Variants in EBI3 observed in about 807,000 individuals in gnomAD.
EBI3 encodes the protein Epstein-Barr virus induced 3, also known as interleukin-27 subunit beta.
In EBI3, 19 loss-of-function variants were observed where a neutral mutation model predicts 21.3. The observed-to-expected ratio is 0.89, with a 90% CI of 0.62 to 1.31. The LOEUF (loss-of-function observed/expected upper bound fraction) is 1.31. Ranked by LOEUF, EBI3 falls within the 50% of genes most tolerant of loss-of-function variation. The probability of loss-of-function intolerance (pLI) is 0.00; values close to 1 mark genes in which losing one functional copy is unlikely to be tolerated. For synonymous variants in EBI3, 154 were observed against 131.2 expected, an observed-to-expected ratio of 1.17 and a Z score of -1.19; for missense variants, 331 against 314.0, an observed-to-expected ratio of 1.05 and a Z score of -0.41.
At chr19:4,232,376 G>A (rs1242389025) in intron 2 of EBI3, among the ~76,000 whole-genome samples, 2 of 151,872 alleles carry the variant, frequency 1.3e-5, no homozygotes. Flanking sequence ...GAGCCCAGGA[G>A]TTTGAGACCA....
intron 4 of EBI3, 135 bp from the exon 5 acceptor site, chr19:4,236,801 C>G: frequency 9.2e-7 from 1 of 1,091,736 alleles, no homozygotes; most frequent in Non-Finnish European, 1.2e-6. Context: ...GGTGGGGCCG[C>G]ACAGCTGGGG....
At chr19:4,235,780 T>G (rs1446130767) in intron 4 of EBI3, among the ~76,000 whole-genome samples, 2 of 151,970 alleles carry the variant, frequency 1.3e-5, no homozygotes, top group Non-Finnish European at 2.9e-5. Context: ...AATTTAAACA[T>G]TAGTTGGGTG....
Position 4,236,924 on chromosome 19 carries a change from C to T in EBI3, c.538-12C>T, listed in dbSNP as rs1970843683. ...TCTGGTTCTAGTGACCTGACGCTCT[C>T]TCTTCTCTCAGGTGGGGCCCATTGA... On this transcript the variant is annotated splice_polypyrimidine_tract_variant and intron_variant, in intron 4 of 4. Transcript: ENST00000221847. 1 of 1,485,208 alleles carries T rather than the reference C, an allele frequency of 6.7e-7. No homozygotes were observed. The highest frequency in any genetic ancestry group is 2.3e-5 in the Admixed American group (1 of 44,204). The allele number at this position is 1,485,208 out of a possible 1,614,324, so 92.0% of individuals were successfully genotyped here. A position where few individuals can be genotyped will look rare whatever the true frequency, so the allele number is the denominator to read the frequency against.
intron 4 of EBI3, among the ~76,000 whole-genome samples, chr19:4,235,479 G>T (rs112495962): frequency 0.066 from 9,998 of 151,988 alleles, 547 homozygotes; most frequent in South Asian, 0.3. Flanking sequence ...ACCACGCCCG[G>T]CTAATTTCTG....
chr19:4,229,568 C>G lies in EBI3; in HGVS notation c.18C>G (p.Leu6=), dbSNP rs1330480616. The change falls in exon 1 of 5, where the codon CTC becomes CTG. Residue 6 remains leucine (L), a synonymous_variant. Transcript: ENST00000221847. Reference sequence around the variant, plus strand: ...CCGCAGCCATGACCCCGCAGCTTCTCCTGGCCCTTGTCCTCTGGGCCAGCT... The same window carrying G: ...CCGCAGCCATGACCCCGCAGCTTCTGCTGGCCCTTGTCCTCTGGGCCAGCT... MTPQL[L]LALVLWASCP... 1 of 1,611,528 alleles carries G rather than the reference C, an allele frequency of 6.2e-7. No individual in the cohort carries two copies. The highest frequency in any genetic ancestry group is 8.5e-7 in the Non-Finnish European group (1 of 1,179,102).
chr19:4,232,281 C>T (rs1309288829), intron 2 of EBI3, among the ~76,000 whole-genome samples: 4 of 131,772 alleles, frequency 3.0e-5, no homozygotes, highest in African/African-American at 8.9e-5. Context: ...GAAAAAATTT[C>T]GAAAAAGAAA....
chr19:4,232,035 G>C (rs1425014042), intron 2 of EBI3, among the ~76,000 whole-genome samples: 2 of 151,548 alleles, frequency 1.3e-5, no homozygotes, highest in Admixed American at 1.3e-4. Flanking sequence ...GACCACCCTG[G>C]CGAACACGGT....
chr19:4,236,333 G>GAC (rs1176296330), intron 4 of EBI3, among the ~76,000 whole-genome samples: 1 of 150,402 alleles, frequency 6.6e-6, no homozygotes, highest in Non-Finnish European at 1.5e-5. Flanking sequence ...CAGCCTGGGT[G>GAC]ACAGAGTGAG....
Position 4,236,952 on chromosome 19 carries a change from C to G in EBI3, c.554C>G (p.Ala185Gly). The part of the protein sequence containing the change: ...ARFHRVGPIE[A>G]TSFILRAVRP... ...TTCTCTCAGGTGGGGCCCATTGAAG[C>G]CACGTCCTTCATCCTCAGGGCTGTG... Residue 185 changes from alanine to glycine, a missense_variant, in exon 5 of 5, where the codon GCC becomes GGC. Transcript: ENST00000221847. The G allele has an allele frequency of 6.6e-7, 1 of 1,509,404 alleles. No individual in the cohort carries two copies. The highest frequency in any genetic ancestry group is 1.3e-5 in the South Asian group (1 of 76,828). 93.5% of individuals were successfully genotyped at this position (1,509,404 alleles called of 1,614,324 possible).
chr19:4,232,465 C>G (rs1970793856), intron 2 of EBI3, among the ~76,000 whole-genome samples: 2 of 151,698 alleles, frequency 1.3e-5, no homozygotes, highest in African/African-American at 4.8e-5. Flanking sequence ...CATCTGTAGT[C>G]CCAGGTACTT....
chr19:4,233,013 T>C (rs971409377), intron 2 of EBI3, 116 bp from the exon 3 acceptor site: 5 of 1,243,058 alleles, frequency 4.0e-6, no homozygotes, highest in African/African-American at 3.1e-5. Flanking sequence ...GGGATCCCCA[T>C]CCGCTGCCCC....
chr19:4,232,736 GAATGAAGGGATGAATTAATGAAT>G (rs1331834741), intron 2 of EBI3, among the ~76,000 whole-genome samples: 7 of 112,010 alleles, frequency 6.2e-5, no homozygotes, highest in African/African-American at 2.5e-4. Flanking sequence ...ATGAATGAAT[GAATGAAGGGATGAATTAATGAAT>G]GAATGAAGGA....
chr19:4,235,144 G>A (rs746823731), intron 4 of EBI3, among the ~76,000 whole-genome samples: 7 of 152,012 alleles, frequency 4.6e-5, no homozygotes, highest in Non-Finnish European at 1.5e-5. Flanking sequence ...TCAGCCTCTG[G>A]AGTAGCTGGG....
chr19:4,237,018 A>AC lies in EBI3; in HGVS notation c.622dup (p.Leu208ProfsTer9). On this transcript the variant is annotated frameshift_variant, in exon 5 of 5. Transcript: ENST00000221847. LOFTEE classifies it low-confidence loss of function (END_TRUNC). ...TACTACGTCCAAGTGGCGGCTCAGG[A>AC]CCTCACAGACTACGGGGAACTGAGT... The AC allele has an allele frequency of 6.3e-7, 1 of 1,580,952 alleles. No homozygotes were observed. Among genetic ancestry groups the AC allele is most frequent in the Non-Finnish European group, 8.6e-7 (1 of 1,161,126 alleles).
Position 4,233,303 on chromosome 19 carries a change from C to T in EBI3, c.375C>T (p.His125=). 1.0e-6 allele frequency: 1 copy of T among 961,868 alleles called. No homozygotes were observed. Among genetic ancestry groups the T allele is most frequent in the African/African-American group, 1.7e-5 (1 of 59,304 alleles). 59.6% of individuals were successfully genotyped at this position (961,868 alleles called of 1,614,324 possible). ...GCTTCGTGCCTTTCATAACAGAGCA[C>T]ATCAGTGAGTGGGGGCGGCAGTGGG... The part of the protein sequence containing the change: ...SSSFVPFITE[H]IIKPDPPEGV... The change falls in exon 3 of 5, where the codon CAC becomes CAT. Residue 125 remains histidine (H), a synonymous_variant. Coordinates refer to ENST00000221847, the MANE Select transcript of EBI3 (RefSeq NM_005755.3).
chr19:4,229,574 C>T lies in EBI3; in HGVS notation c.24C>T (p.Ala8=). MTPQLLL[A]LVLWASCPPC... ...CCATGACCCCGCAGCTTCTCCTGGC[C>T]CTTGTCCTCTGGGCCAGCTGCCCGC... Residue 8 remains alanine (A), a synonymous_variant, in exon 1 of 5, where the codon GCC becomes GCT. Coordinates refer to ENST00000221847, the MANE Select transcript of EBI3 (RefSeq NM_005755.3). 2.5e-6 allele frequency: 4 copies of T among 1,611,524 alleles called. No individual in the cohort carries two copies. Among genetic ancestry groups the T allele is most frequent in the Non-Finnish European group, 3.4e-6 (4 of 1,179,088 alleles).
chr19:4,230,626 G>A (rs568502312), intron 1 of EBI3, among the ~76,000 whole-genome samples: 3 of 152,088 alleles, frequency 2.0e-5, no homozygotes, highest in Admixed American at 1.3e-4. Flanking sequence ...GCTCACGCCT[G>A]TAATTCCAGC....
chr19:4,233,066 C>T, intron 2 of EBI3, 63 bp from the exon 3 acceptor site: 2 of 1,427,382 alleles, frequency 1.4e-6, no homozygotes, highest in Non-Finnish European at 1.8e-6. Flanking sequence ...TCAGGCCCGG[C>T]AGTAGGAGGT....
chr19:4,234,519 C>T (rs935419046), intron 3 of EBI3, 148 bp from the exon 4 acceptor site: 12 of 1,292,520 alleles, frequency 9.3e-6, no homozygotes, highest in Non-Finnish European at 1.2e-5. Context: ...GCTGAGATCA[C>T]GCCGCTGTAC....
Sources: allele counts gnomAD v4.1 joint callset (sites outside exome capture counted in the v4.1 genomes callset), GRCh38; gene constraint gnomAD v4.1.1; transcripts MANE v1.5; gene names NCBI Gene and HGNC (gene_info 2026-07-23, HGNC 2026-07-21).